Variants in RTN1 observed in about 807,000 individuals in gnomAD.
RTN1 encodes reticulon 1, also known as reticulon-1.
In RTN1, 25 loss-of-function variants were observed where a neutral mutation model predicts 65.5. That is an observed-to-expected ratio of 0.38 (90% CI 0.28 to 0.53). The LOEUF (loss-of-function observed/expected upper bound fraction) is 0.53, where lower values mean the gene tolerates loss of function less well. Ranked by LOEUF, RTN1 falls within the 20% of genes least tolerant of loss-of-function variation. RTN1 has a pLI of 0.79. For missense variants in RTN1, 983 were observed against 1,025.4 expected (o/e 0.96, Z 0.57); for synonymous variants, 471 against 447.6 (o/e 1.05, Z -0.66).
rs570860346 is a variant in RTN1, at chr14:59,804,370, G to C, written c.242-57889C>G. Reference sequence around the variant, plus strand: ...CATATGGTGACACTGACATGACATCGCTGGTGATATTAACCTTGGTCACCT... The same window carrying C: ...CATATGGTGACACTGACATGACATCCCTGGTGATATTAACCTTGGTCACCT... On this transcript the variant is annotated intron_variant, in intron 1 of 8. Coordinates refer to ENST00000267484, the MANE Select transcript of RTN1 (RefSeq NM_021136.3). Among the ~76,000 whole-genome samples the C allele has an allele frequency of 4.6e-5, 7 of 152,192 alleles. No individual in the cohort carries two copies. In the East Asian group the frequency reaches 1.2e-3, roughly 25 times the overall value.
chr14:59,758,597 T>C (rs769536056), intron 1 of RTN1, among the ~76,000 whole-genome samples: 2 of 152,252 alleles, frequency 1.3e-5, no homozygotes, highest in Non-Finnish European at 2.9e-5. Flanking sequence ...AGTTTCTTCC[T>C]GTTACCCCAC....
intron 1 of RTN1, among the ~76,000 whole-genome samples, chr14:59,842,386 A>AC (rs917389259): frequency 1.2e-4 from 18 of 152,308 alleles, no homozygotes; most frequent in African/African-American, 3.8e-4. Flanking sequence ...AAATAAATAG[A>AC]CAAAAAACAA....
chr14:59,625,204 G>C (rs959916958), intron 3 of RTN1, among the ~76,000 whole-genome samples: 1 of 152,138 alleles, frequency 6.6e-6, no homozygotes, highest in African/African-American at 2.4e-5. Context: ...TAATATTTTT[G>C]TCATAGAATA....
chr14:59,779,447 T>C (rs1476292240), intron 1 of RTN1, among the ~76,000 whole-genome samples: 2 of 152,016 alleles, frequency 1.3e-5, no homozygotes, highest in African/African-American at 2.4e-5. Context: ...AGGTGGACCA[T>C]GACCACACAC....
At chr14:59,607,942 T>C (rs1032287844) in intron 3 of RTN1, among the ~76,000 whole-genome samples, 1 of 151,532 alleles carries the variant, frequency 6.6e-6, no homozygotes, top group Admixed American at 6.6e-5. Context: ...GGAGCTGACA[T>C]GTGGACTAAA....
intron 1 of RTN1, among the ~76,000 whole-genome samples, chr14:59,784,854 G>C (rs551911333): frequency 6.6e-6 from 1 of 152,262 alleles, no homozygotes; most frequent in South Asian, 2.1e-4. Flanking sequence ...TTCTATTATA[G>C]GGAAGACAGG....
rs1234252172 is a variant in RTN1, at chr14:59,836,369, C to T, written c.241+34021G>A. Among the ~76,000 whole-genome samples the T allele has an allele frequency of 6.6e-6, 1 of 152,178 alleles. No homozygotes were observed. On this transcript the variant is annotated intron_variant, in intron 1 of 8. Coordinates refer to ENST00000267484, the MANE Select transcript of RTN1 (RefSeq NM_021136.3). This position sits in a 1 kb window ranked among gnomAD's most constrained non-coding sequence, Gnocchi z 4.9. ...TTCTGACAATCCTATGAGGTTGGTCCCATTGTCCCCATTATAGAGATGAGG... is the reference window on the plus strand; with the variant it reads ...TTCTGACAATCCTATGAGGTTGGTCTCATTGTCCCCATTATAGAGATGAGG...
At chr14:59,603,368 C>G in intron 6 of RTN1, 110 bp from the exon 7 acceptor site, 1 of 793,538 alleles carries the variant, frequency 1.3e-6, no homozygotes, top group Non-Finnish European at 2.0e-6. Flanking sequence ...TTGGAATATA[C>G]AGCATTTTAT....
At chr14:59,670,449 AAAAT>A (rs1210156807) in intron 3 of RTN1, among the ~76,000 whole-genome samples, 1 of 152,250 alleles carries the variant, frequency 6.6e-6, no homozygotes, top group Non-Finnish European at 1.5e-5. Flanking sequence ...CTTGTGGTAT[AAAAT>A]AAAGTTAGAG....
chr14:59,739,540 C>CAA (rs34758637), intron 2 of RTN1, among the ~76,000 whole-genome samples: 55 of 113,052 alleles, frequency 4.9e-4, no homozygotes, highest in Non-Finnish European at 6.8e-4. Context: ...GACTCTGTCT[C>CAA]AAAAAAAAAA....
chr14:59,610,915 G>A (rs1227027666), intron 3 of RTN1, among the ~76,000 whole-genome samples: 1 of 151,962 alleles, frequency 6.6e-6, no homozygotes, highest in Non-Finnish European at 1.5e-5. Flanking sequence ...TGATCTTGTG[G>A]CCCCCACCCA....
At chr14:59,800,480 A>G (rs974132930) in intron 1 of RTN1, among the ~76,000 whole-genome samples, 1 of 152,174 alleles carries the variant, frequency 6.6e-6, no homozygotes, top group Non-Finnish European at 1.5e-5. Flanking sequence ...GGCTCACTGC[A>G]AGCTCTGCCT....
At chr14:59,687,649 A>G (rs916030072) in intron 3 of RTN1, among the ~76,000 whole-genome samples, 1 of 151,056 alleles carries the variant, frequency 6.6e-6, no homozygotes, top group Non-Finnish European at 1.5e-5. Context: ...TGCAGACACA[A>G]GTTCAAAGAG....
At chr14:59,708,719 C>G (rs1414438695) in intron 3 of RTN1, among the ~76,000 whole-genome samples, 3 of 152,234 alleles carry the variant, frequency 2.0e-5, no homozygotes, top group African/African-American at 7.2e-5. Context: ...TATTTACTTT[C>G]TCACTGAATC....
In RTN1 at chr14:59,870,277, G is replaced by A. The variant is rs927167894; in HGVS notation, c.241+113C>T. 16 of 1,101,254 alleles carry A rather than the reference G, an allele frequency of 1.5e-5. No individual in the cohort carries two copies. The South Asian group carries it at 4.3e-4, about 30-fold the overall frequency. The allele number at this position is 1,101,254 out of a possible 1,614,324, so 68.2% of individuals were successfully genotyped here. On this transcript the variant is annotated intron_variant, in intron 1 of 8. Transcript: ENST00000267484. This position sits in a 1 kb window ranked among gnomAD's most constrained non-coding sequence, Gnocchi z 5.1. ...CCCGTGGCGACGCGGGGGTGGGGTC[G>A]GCGCTCAAGGCAGAAAGCGCGAGGC...
chr14:59,727,538 G>A lies in RTN1; in HGVS notation c.1146C>T (p.Asp382=). The A allele has an allele frequency of 2.5e-6, 4 of 1,609,660 alleles. No homozygotes were observed. The highest frequency in any genetic ancestry group is 2.5e-6 in the Non-Finnish European group (3 of 1,178,620). Residue 382 remains aspartate (D), a synonymous_variant, in exon 3 of 9, where the codon GAC becomes GAT. Transcript: ENST00000267484. The surrounding 1 kb of genome is among the most constrained non-coding windows in gnomAD (Gnocchi z 4.2). ...CGGACCTGGCCTTGACCTCGGGCCTGTCGGCCAGCTGGCCCACCGGCCGTG... is the reference window on the plus strand; with the variant it reads ...CGGACCTGGCCTTGACCTCGGGCCTATCGGCCAGCTGGCCCACCGGCCGTG... ...ENPRPVGQLA[D]RPEVKARSGP...
chr14:59,777,892 T>C (rs967091209), intron 1 of RTN1, among the ~76,000 whole-genome samples: 2 of 151,824 alleles, frequency 1.3e-5, no homozygotes, highest in African/African-American at 4.8e-5. Context: ...TTACTCTGTG[T>C]CTCTCCTGTG....
intron 3 of RTN1, among the ~76,000 whole-genome samples, chr14:59,650,055 G>A (rs1023634520): frequency 7.9e-5 from 12 of 152,208 alleles, no homozygotes; most frequent in Non-Finnish European, 7.3e-5. Context: ...ATACACCATG[G>A]AATACTATGC....
intron 8 of RTN1, among the ~76,000 whole-genome samples, chr14:59,597,737 T>C (rs1170731831): frequency 6.6e-6 from 1 of 152,126 alleles, no homozygotes; most frequent in African/African-American, 2.4e-5. Context: ...TACCACCTCT[T>C]TTAAATCCAC....
Sources: allele counts gnomAD v4.1 joint callset (sites outside exome capture counted in the v4.1 genomes callset), GRCh38; gene constraint gnomAD v4.1.1; non-coding constraint Gnocchi (gnomAD v3.1); transcripts MANE v1.5; gene names NCBI Gene and HGNC (gene_info 2026-07-23, HGNC 2026-07-21).